RALYL: variants seen among roughly 807,000 people sequenced by gnomAD.
RALYL encodes the protein RALY RNA binding protein like.
A neutral mutation model predicts 35.1 loss-of-function variants in RALYL; 29 were observed. The observed-to-expected ratio is 0.83, with a 90% CI of 0.61 to 1.13. The LOEUF is 1.13. RALYL is among the 50% of genes most tolerant of loss of function. The pLI, the probability that RALYL is intolerant of heterozygous loss-of-function variation, is 0.00. For missense variants in RALYL, 359 were observed against 360.4 expected, an observed-to-expected ratio of 1.00 and a Z score of 0.03; for synonymous variants, 120 against 127.6, an observed-to-expected ratio of 0.94 and a Z score of 0.40.
intron 1 of RALYL, among the ~76,000 whole-genome samples, chr8:84,406,136 T>C (rs16912793): frequency 0.029 from 4,468 of 152,094 alleles, 216 homozygotes; most frequent in African/African-American, 0.1. Context: ...CATAGTATTT[T>C]ATTTAAGTAA....
intron 7 of RALYL, among the ~76,000 whole-genome samples, chr8:84,879,161 A>C (rs1841741968): frequency 6.6e-6 from 1 of 152,142 alleles, no homozygotes; most frequent in South Asian, 2.1e-4. Context: ...TCTGGAAAGA[A>C]ATGAGTCCAG....
intron 1 of RALYL, among the ~76,000 whole-genome samples, chr8:84,266,490 G>A (rs1447527209): frequency 1.3e-5 from 2 of 152,276 alleles, no homozygotes; most frequent in South Asian, 4.2e-4. Context: ...TCATTTTCCT[G>A]TTTAGTCCTG....
At chr8:84,800,651 A>C (rs16913325) in intron 3 of RALYL, among the ~76,000 whole-genome samples, 2 of 151,946 alleles carry the variant, frequency 1.3e-5, no homozygotes, top group Admixed American at 1.3e-4. Context: ...AGATAAAAAA[A>C]ATTCCTTTCT....
chr8:84,600,159 A>G (rs1004772369), intron 2 of RALYL, among the ~76,000 whole-genome samples: 1 of 151,984 alleles, frequency 6.6e-6, no homozygotes, highest in South Asian at 2.1e-4. Flanking sequence ...TTTTTGCTTT[A>G]ATATTGGTTT....
Position 84,184,386 on chromosome 8 carries a change from G to C in RALYL, c.-62G>C, listed in dbSNP as rs2130783562. ...GTGCGGTTTGGTTTCCTTGTCAACG[G>C]AGGATGAAGTGAACAGCTGAGCAGC... On this transcript the variant is annotated 5_prime_UTR_variant, in exon 1 of 9. Coordinates refer to ENST00000521268, the MANE Select transcript of RALYL (RefSeq NM_173848.7). 1 of 152,634 alleles carries C rather than the reference G, an allele frequency of 6.6e-6. No individual in the cohort carries two copies. Among genetic ancestry groups the C allele is most frequent in the South Asian group, 2.1e-4 (1 of 4,820 alleles). The allele number at this position is 152,634 out of a possible 1,614,324, so 9.5% of individuals were successfully genotyped here.
At chr8:84,698,426 A>G (rs1232816707) in intron 2 of RALYL, among the ~76,000 whole-genome samples, 1 of 152,130 alleles carries the variant, frequency 6.6e-6, no homozygotes, top group Non-Finnish European at 1.5e-5. Flanking sequence ...TAGAGTCCCA[A>G]TGATAATAAC....
intron 1 of RALYL, among the ~76,000 whole-genome samples, chr8:84,258,278 G>T (rs1008690997): frequency 6.6e-6 from 1 of 152,096 alleles, no homozygotes; most frequent in Non-Finnish European, 1.5e-5. Context: ...TCATAAAAAT[G>T]CGTGGCATAA....
At chr8:84,215,339 A>G (rs1423743722) in intron 1 of RALYL, among the ~76,000 whole-genome samples, 1 of 152,146 alleles carries the variant, frequency 6.6e-6, no homozygotes, top group Non-Finnish European at 1.5e-5. Context: ...CATTTTATTG[A>G]AATGGCCATC....
chr8:84,369,507 G>C (rs1855242210), intron 1 of RALYL, among the ~76,000 whole-genome samples: 1 of 151,986 alleles, frequency 6.6e-6, no homozygotes, highest in Admixed American at 6.6e-5. Context: ...CTTCTGAGCT[G>C]AATTTAAAGG....
chr8:84,647,721 T>C (rs1316941167), intron 2 of RALYL, among the ~76,000 whole-genome samples: 1 of 151,966 alleles, frequency 6.6e-6, no homozygotes, highest in Non-Finnish European at 1.5e-5. Context: ...TGGAGGGAGA[T>C]ACACAAGAAA....
intron 1 of RALYL, among the ~76,000 whole-genome samples, chr8:84,521,493 A>C (rs149395521): frequency 6.6e-6 from 1 of 152,292 alleles, no homozygotes; most frequent in African/African-American, 2.4e-5. Flanking sequence ...GTGTTGTTTC[A>C]TCTGCATGAA....
intron 2 of RALYL, among the ~76,000 whole-genome samples, chr8:84,678,492 C>T (rs1011468561): frequency 6.6e-6 from 1 of 152,146 alleles, no homozygotes; most frequent in Non-Finnish European, 1.5e-5. Flanking sequence ...GTTTCAAACT[C>T]CTGATCTAAA....
chr8:84,634,233 T>C (rs751541597), intron 2 of RALYL, among the ~76,000 whole-genome samples: 1 of 151,814 alleles, frequency 6.6e-6, no homozygotes, highest in Non-Finnish European at 1.5e-5. Flanking sequence ...ACATATCTCT[T>C]CACTTATGCT....
At chr8:84,462,665 A>G (rs541244769) in intron 1 of RALYL, among the ~76,000 whole-genome samples, 93 of 144,402 alleles carry the variant, frequency 6.4e-4, no homozygotes, top group African/African-American at 2.3e-3. Flanking sequence ...AAAAGGCTTC[A>G]TTTTGTAAAA....
intron 2 of RALYL, among the ~76,000 whole-genome samples, chr8:84,706,781 C>T (rs561823635): frequency 1.2e-4 from 19 of 152,244 alleles, no homozygotes; most frequent in African/African-American, 4.1e-4. Flanking sequence ...CACTATTTTA[C>T]GGTAAAGCAA....
intron 2 of RALYL, among the ~76,000 whole-genome samples, chr8:84,617,545 C>A (rs1196095009): frequency 6.7e-6 from 1 of 150,204 alleles, no homozygotes; most frequent in Admixed American, 6.6e-5. Context: ...CAAACAGGGA[C>A]AATTTGACTT....
intron 2 of RALYL, among the ~76,000 whole-genome samples, chr8:84,531,791 T>C (rs2059292101): frequency 6.6e-6 from 1 of 152,104 alleles, no homozygotes; most frequent in Non-Finnish European, 1.5e-5. Flanking sequence ...TCTGGAGTTC[T>C]GTTTCCTATC....
intron 3 of RALYL, among the ~76,000 whole-genome samples, chr8:84,797,982 T>C (rs1822335063): frequency 6.6e-6 from 1 of 152,234 alleles, no homozygotes; most frequent in South Asian, 2.1e-4. Context: ...TTAATGCAAC[T>C]GCCAGAACAG....
chr8:84,640,452 A>G (rs947056488), intron 2 of RALYL, among the ~76,000 whole-genome samples: 1 of 152,050 alleles, frequency 6.6e-6, no homozygotes, highest in African/African-American at 2.4e-5. Flanking sequence ...ATCAGACATC[A>G]GAAGATTGTG....
Sources: gnomAD v4.1 joint callset for allele counts (sites outside exome capture counted in the v4.1 genomes callset) on GRCh38, gnomAD v4.1.1 for gene constraint, MANE v1.5 for transcripts, NCBI Gene and HGNC (gene_info 2026-07-23, HGNC 2026-07-21) for gene names.